RAB40C: variants seen among roughly 807,000 people sequenced by gnomAD.
RAB40C encodes ras-related protein Rab-40C.
RAB40C carries 8 observed loss-of-function variants against 28.1 expected under a neutral mutation model. The ratio of observed to expected loss-of-function variants is 0.28; its 90% confidence interval spans 0.17 to 0.51. RAB40C has a LOEUF of 0.51. Ranked by LOEUF, RAB40C falls within the 20% of genes least tolerant of loss-of-function variation. RAB40C has a pLI of 0.97. For synonymous variants in RAB40C, 201 were observed against 171.7 expected, an observed-to-expected ratio of 1.17 and a Z score of -1.34; for missense variants, 288 against 405.9, an observed-to-expected ratio of 0.71 and a Z score of 2.50.
intron 1 of RAB40C, among the ~76,000 whole-genome samples, chr16:595,748 ACCTGCCACCACAC>A (rs907427913): frequency 1.3e-5 from 2 of 151,724 alleles, no homozygotes; most frequent in African/African-American, 4.8e-5. Flanking sequence ...GATTACAGCC[ACCTGCCACCACAC>A]CCAGCTAATT....
chr16:614,344 T>C (rs367612369), intron 1 of RAB40C, among the ~76,000 whole-genome samples: 1 of 97,650 alleles, frequency 1.0e-5, no homozygotes, highest in East Asian at 2.5e-4. Context: ...CTCTGCCGCA[T>C]CCCGATGGTG....
chr16:617,220 A>T lies in RAB40C; in HGVS notation c.155A>T (p.Lys52Met). 6.2e-7 allele frequency: 1 copy of T among 1,614,008 alleles called. No individual in the cohort carries two copies. ...TGCTTCCTCGCAGGGATCGACTACA[A>T]GACCACCACCATCCTGCTGGACGGC... ...PYAYSNGIDY[K>M]TTTILLDGRR... The change falls in exon 2 of 6, where the codon AAG becomes ATG. Residue 52 changes from lysine (K) to methionine (M), a missense_variant. Transcript: ENST00000248139.
At position 625,933 on chromosome 16, in the gene RAB40C, A is replaced by G. The variant is rs1295127772; in HGVS notation, c.377A>G (p.Asn126Ser). The change falls in exon 5 of 6, where the codon AAC becomes AGC. Residue 126 changes from asparagine to serine, a missense_variant. Asn to Ser is a conservative substitution (Grantham distance 46). Coordinates refer to ENST00000248139, the MANE Select transcript of RAB40C (RefSeq NM_021168.5). ...GGAGTCCCCCGGATCTTGGTTGGAA[A>G]CCGGCTGCACCTGGCCTTCAAGCGG... ...APGVPRILVGNRLHLAFKRQV... is the reference protein window; with the variant it reads ...APGVPRILVGSRLHLAFKRQV... 3 of 1,612,920 alleles carry G rather than the reference A, an allele frequency of 1.9e-6. No individual in the cohort carries two copies. The highest frequency in any genetic ancestry group is 2.5e-6 in the Non-Finnish European group (3 of 1,179,888).
intron 1 of RAB40C, among the ~76,000 whole-genome samples, chr16:612,945 C>T (rs368280779): frequency 7.6e-5 from 4 of 52,892 alleles, no homozygotes; most frequent in Non-Finnish European, 1.5e-4. Flanking sequence ...ACGGGACAGC[C>T]GCCCTGGCCT....
intron 1 of RAB40C, among the ~76,000 whole-genome samples, chr16:603,844 C>T (rs765010717): frequency 4.6e-5 from 7 of 152,112 alleles, no homozygotes; most frequent in African/African-American, 1.4e-4. Context: ...ATCATGGATA[C>T]GAAGCAGACC....
At chr16:621,557 G>A (rs1403352398) in intron 3 of RAB40C, among the ~76,000 whole-genome samples, 1 of 152,242 alleles carries the variant, frequency 6.6e-6, no homozygotes, top group Non-Finnish European at 1.5e-5. Context: ...TTCACGTGCC[G>A]CCGAAGGCCG....
chr16:616,806 C>T lies in RAB40C; in HGVS notation c.143-402C>T, dbSNP rs1019818222. The T allele has an allele frequency of 4.5e-5, 9 of 200,230 alleles. No individual in the cohort carries two copies. The South Asian group carries it at 9.7e-4, about 21-fold the overall frequency. The allele number at this position is 200,230 out of a possible 1,614,324, so 12.4% of individuals were successfully genotyped here. On this transcript the variant is annotated intron_variant, in intron 1 of 5. Transcript: ENST00000248139. ...AAAGGCACTGCCCTTTCTCCAGGCA[C>T]GCTGGAGTCCACGCCCTGCCTTTGC...
intron 4 of RAB40C, 53 bp from the exon 5 acceptor site, chr16:625,846 G>T: frequency 6.6e-7 from 1 of 1,507,216 alleles, no homozygotes; most frequent in South Asian, 1.2e-5. Flanking sequence ...TGCTGCGGCT[G>T]AGGGGTGGGT....
At chr16:597,091 TGTAG>T in intron 1 of RAB40C, among the ~76,000 whole-genome samples, 1 of 152,010 alleles carries the variant, frequency 6.6e-6, no homozygotes, top group East Asian at 1.9e-4. Context: ...GTGCTGCACA[TGTAG>T]GTAGCAGGGG....
intron 1 of RAB40C, among the ~76,000 whole-genome samples, chr16:595,909 T>A (rs1281204868): frequency 3.3e-5 from 5 of 152,236 alleles, no homozygotes; most frequent in Non-Finnish European, 7.3e-5. Flanking sequence ...CCTCTAATTG[T>A]GCTGTTTTAT....
chr16:599,118 C>T (rs1379335691), intron 1 of RAB40C, among the ~76,000 whole-genome samples: 1 of 152,254 alleles, frequency 6.6e-6, no homozygotes, highest in African/African-American at 2.4e-5. Flanking sequence ...CACAGTGACA[C>T]TGATCAGGGT....
chr16:597,214 G>C (rs1330354794), intron 1 of RAB40C, among the ~76,000 whole-genome samples: 1 of 152,112 alleles, frequency 6.6e-6, no homozygotes, highest in African/African-American at 2.4e-5. Context: ...TTCTGACCAT[G>C]GCTTACAGAG....
intron 1 of RAB40C, among the ~76,000 whole-genome samples, chr16:607,085 G>T (rs1246577995): frequency 6.6e-6 from 1 of 152,236 alleles, no homozygotes; most frequent in African/African-American, 2.4e-5. Flanking sequence ...TCAGCAGCCA[G>T]CCTCCCTCGG....
chr16:599,983 G>T (rs1214703264), intron 1 of RAB40C, among the ~76,000 whole-genome samples: 1 of 104,828 alleles, frequency 9.5e-6, no homozygotes, highest in Non-Finnish European at 1.9e-5. Context: ...GCGTGGATTC[G>T]CAAGGTTTTG....
intron 3 of RAB40C, among the ~76,000 whole-genome samples, chr16:620,508 TA>T (rs1306611798): frequency 6.6e-6 from 1 of 152,216 alleles, no homozygotes; most frequent in Non-Finnish European, 1.5e-5. Context: ...ATTTTGGTAT[TA>T]AAAAATATGG....
At chr16:593,626 C>T (rs1339565025) in intron 1 of RAB40C, among the ~76,000 whole-genome samples, 1 of 152,254 alleles carries the variant, frequency 6.6e-6, no homozygotes, top group Non-Finnish European at 1.5e-5. Flanking sequence ...ACATTGCCCT[C>T]TCCAGCTTCA....
At chr16:619,950 G>C (rs1383376421) in intron 3 of RAB40C, among the ~76,000 whole-genome samples, 3 of 152,232 alleles carry the variant, frequency 2.0e-5, no homozygotes, top group Non-Finnish European at 4.4e-5. Flanking sequence ...TTCCCTCGGA[G>C]ATGTTGGCAG....
intron 1 of RAB40C, among the ~76,000 whole-genome samples, chr16:597,159 G>T (rs1273881816): frequency 6.6e-6 from 1 of 152,100 alleles, no homozygotes; most frequent in African/African-American, 2.4e-5. Context: ...CCAGGTTCTA[G>T]TGCTGGTGAT....
At chr16:605,375 T>C (rs2036337725) in intron 1 of RAB40C, among the ~76,000 whole-genome samples, 1 of 152,216 alleles carries the variant, frequency 6.6e-6, no homozygotes, top group African/African-American at 2.4e-5. Context: ...GTGTAATTTG[T>C]GTACAAAAAA....
Sources: allele counts gnomAD v4.1 joint callset (sites outside exome capture counted in the v4.1 genomes callset), GRCh38; gene constraint gnomAD v4.1.1; transcripts MANE v1.5; gene names NCBI Gene and HGNC (gene_info 2026-07-23, HGNC 2026-07-21).